The following SENP2 variants were observed in gnomAD, a reference collection of about 807,000 sequenced individuals.
The protein encoded by SENP2 is sentrin-specific protease 2.
A neutral mutation model predicts 86.3 loss-of-function variants in SENP2; 16 were observed. That is an observed-to-expected ratio of 0.19 (90% CI 0.13 to 0.28). The LOEUF is 0.28. SENP2 is among the 10% of genes least tolerant of loss of function. The pLI, the probability that SENP2 is intolerant of heterozygous loss-of-function variation, is 1.00. For missense variants in SENP2, 552 were observed against 703.0 expected, an observed-to-expected ratio of 0.79 and a Z score of 2.43; for synonymous variants, 222 against 238.7, an observed-to-expected ratio of 0.93 and a Z score of 0.64.
chr3:185,612,368 G>C (rs1486002611), intron 8 of SENP2: 4 of 402,662 alleles, frequency 9.9e-6, no homozygotes, highest in Non-Finnish European at 1.8e-5. Context: ...CTAAATGACA[G>C]CTTACCAGAT....
rs190207047 is a variant in SENP2, at chr3:185,605,208, T to C, written c.450-1122T>C. Among the ~76,000 whole-genome samples, 676 of 150,192 alleles carry C rather than the reference T, an allele frequency of 4.5e-3. 5 individuals carry two copies. Among genetic ancestry groups the C allele is most frequent in the African/African-American group, 0.015 (632 of 40,992 alleles). ...AACATGGTGAAACCCCATCTCTACTTAAAATACAAAAAATTAGCCGGGCGT... is the reference window on the plus strand; with the variant it reads ...AACATGGTGAAACCCCATCTCTACTCAAAATACAAAAAATTAGCCGGGCGT... On this transcript the variant is annotated intron_variant, in intron 5 of 16. Transcript: ENST00000296257.
At chr3:185,622,817 C>CTTTTTTTTT (rs35711486) in intron 14 of SENP2, among the ~76,000 whole-genome samples, 23 of 89,348 alleles carry the variant, frequency 2.6e-4, no homozygotes, top group Non-Finnish European at 3.7e-4. Flanking sequence ...TACATTCATG[C>CTTTTTTTTT]TTTTTTTTTT....
At position 185,617,519 on chromosome 3, in the gene SENP2, C is replaced by T. The variant is rs1380597000; in HGVS notation, c.1150C>T (p.Pro384Ser). The change falls in exon 12 of 17, where the codon CCA (proline) becomes TCA (serine). Residue 384 changes from proline to serine, a missense_variant. By Grantham distance (74) the Pro-to-Ser change is moderately conservative. This residue lies in a region of SENP2 where 169 missense variants were observed against 275.7 expected (regional missense o/e 0.61). Transcript: ENST00000296257. The part of the protein sequence containing the change: ...KEISNALGHG[P>S]QDEILSSAFK... ...AATCAGTAATGCCCTAGGCCATGGC[C>T]CACAGGATGAAATCCTAAGTAGTGC... The T allele has an allele frequency of 4.3e-6, 7 of 1,613,374 alleles. No individual in the cohort carries two copies. Among genetic ancestry groups the T allele is most frequent in the Non-Finnish European group, 5.9e-6 (7 of 1,179,608 alleles).
chr3:185,622,849 A>C (rs563607137), intron 14 of SENP2, among the ~76,000 whole-genome samples: 1 of 105,564 alleles, frequency 9.5e-6, no homozygotes, highest in East Asian at 3.0e-4. Flanking sequence ...TTTGAGATGG[A>C]GTCTCATTGT....
intron 2 of SENP2, 55 bp downstream of exon 2, chr3:185,590,224 A>G (rs1208368343): frequency 1.1e-6 from 1 of 899,452 alleles, no homozygotes; most frequent in Non-Finnish European, 1.7e-6. Flanking sequence ...AAATATATGC[A>G]TGGAACAAAA....
At chr3:185,599,477 G>A (rs762680803) in intron 4 of SENP2, among the ~76,000 whole-genome samples, 1 of 152,004 alleles carries the variant, frequency 6.6e-6, no homozygotes, top group Non-Finnish European at 1.5e-5. Context: ...ATCCTGAAGT[G>A]GAATTGTCAT....
chr3:185,617,704 G>A, intron 12 of SENP2, 93 bp downstream of exon 12: 1 of 1,016,538 alleles, frequency 9.8e-7, no homozygotes, highest in Non-Finnish European at 1.4e-6. Flanking sequence ...ATAATGGGTT[G>A]GTAATGCAAC....
chr3:185,629,722 G>A (rs1160550786), intron 16 of SENP2, 60 bp from the exon 17 acceptor site: 1 of 1,518,456 alleles, frequency 6.6e-7, no homozygotes, highest in Non-Finnish European at 9.1e-7. Flanking sequence ...TACACCTGAA[G>A]GTTGTGCTGC....
intron 6 of SENP2, chr3:185,606,922 G>T (rs1577728716): frequency 6.1e-6 from 2 of 327,118 alleles, no homozygotes; most frequent in South Asian, 2.7e-5. Flanking sequence ...AGACTAAAAA[G>T]AATTTTTAAT....
At chr3:185,629,605 T>C (rs1214966021) in intron 16 of SENP2, among the ~76,000 whole-genome samples, 177 bp from the exon 17 acceptor site, 3 of 151,292 alleles carry the variant, frequency 2.0e-5, no homozygotes, top group African/African-American at 7.3e-5. Context: ...TTATGGTACA[T>C]ATCATGTAAT....
intron 7 of SENP2, among the ~76,000 whole-genome samples, chr3:185,610,989 C>G (rs984917647): frequency 6.7e-6 from 1 of 148,538 alleles, no homozygotes; most frequent in Non-Finnish European, 1.5e-5. Flanking sequence ...AAAGTTCCTG[C>G]TTCTGGCTGG....
intron 8 of SENP2, 50 bp downstream of exon 8, chr3:185,611,795 C>A: frequency 7.9e-7 from 1 of 1,263,252 alleles, no homozygotes; most frequent in Non-Finnish European, 1.1e-6. Context: ...TTAGTTCATG[C>A]TACAGTGTTC....
Position 185,628,619 on chromosome 3 carries a change from G to A in SENP2, c.1708-1163G>A, listed in dbSNP as rs553564300. On this transcript the variant is annotated intron_variant, in intron 16 of 16. Transcript: ENST00000296257. Reference sequence around the variant, plus strand: ...CCTCCCGGGTTCAAGCAAGTCTTCCGCTTCAGCCTCCCAAGTAACCGTGAT... The same window carrying A: ...CCTCCCGGGTTCAAGCAAGTCTTCCACTTCAGCCTCCCAAGTAACCGTGAT... Among the ~76,000 whole-genome samples, 23 of 152,236 alleles carry A rather than the reference G, an allele frequency of 1.5e-4. No homozygotes were observed. The South Asian group carries it at 2.1e-3, about 14-fold the overall frequency.
chr3:185,599,778 T>C (rs1722284493), intron 4 of SENP2, among the ~76,000 whole-genome samples: 1 of 151,968 alleles, frequency 6.6e-6, no homozygotes, highest in African/African-American at 2.4e-5. Flanking sequence ...TCTGAGAAGC[T>C]AGTTCCTAAA....
chr3:185,625,825 C>T (rs1712120769), intron 15 of SENP2, among the ~76,000 whole-genome samples: 1 of 152,168 alleles, frequency 6.6e-6, no homozygotes, highest in African/African-American at 2.4e-5. Context: ...ATAAATGCTT[C>T]TGAAATAATT....
Position 185,606,325 on chromosome 3 carries a change from C to A in SENP2, c.450-5C>A. 1 of 1,574,872 alleles carries A rather than the reference C, an allele frequency of 6.3e-7. No individual in the cohort carries two copies. The highest frequency in any genetic ancestry group is 1.2e-5 in the South Asian group (1 of 84,048). ...ACTTTTTTTCTTTTTTTTTCTGTTG[C>A]TCAGTTTTACTTTGAACTCAGAAGG... On this transcript the variant is annotated splice_polypyrimidine_tract_variant and splice_region_variant and intron_variant, in intron 5 of 16. Transcript: ENST00000296257.
At chr3:185,622,395 ATGAGT>A (rs1177750581) in intron 14 of SENP2, among the ~76,000 whole-genome samples, 1 of 152,222 alleles carries the variant, frequency 6.6e-6, no homozygotes, top group East Asian at 1.9e-4. Flanking sequence ...AAGTAGTGAC[ATGAGT>A]TGAGTGAGAA....
intron 12 of SENP2, among the ~76,000 whole-genome samples, chr3:185,617,905 T>C (rs1711681273): frequency 6.6e-6 from 1 of 152,076 alleles, no homozygotes; most frequent in Non-Finnish European, 1.5e-5. Flanking sequence ...GATACTGTAT[T>C]TTAGGTGAAT....
At chr3:185,600,957 C>T (rs1722324018) in intron 5 of SENP2, 102 bp downstream of exon 5, 6 of 733,126 alleles carry the variant, frequency 8.2e-6, no homozygotes, top group South Asian at 3.6e-5. Flanking sequence ...TCCTGCTAAG[C>T]GCTCTGAGGT....
Sources: allele counts gnomAD v4.1 joint callset (sites outside exome capture counted in the v4.1 genomes callset), GRCh38; gene constraint gnomAD v4.1.1; regional missense constraint gnomAD v4.1.1; transcripts MANE v1.5; gene names NCBI Gene and HGNC (gene_info 2026-07-23, HGNC 2026-07-21).